The following HS1BP3 variants were observed in gnomAD, a reference collection of about 807,000 sequenced individuals.
The protein encoded by HS1BP3 is HCLS1-binding protein 3.
Under a neutral mutation model 33.5 loss-of-function variants are expected in HS1BP3, and 32 were observed. That is an observed-to-expected ratio of 0.95 (90% CI 0.72 to 1.28). The LOEUF (loss-of-function observed/expected upper bound fraction) is 1.28, where lower values mean the gene tolerates loss of function less well. HS1BP3 is among the 50% of genes most tolerant of loss of function. The probability of loss-of-function intolerance (pLI) is 0.00; values close to 1 mark genes in which losing one functional copy is unlikely to be tolerated. For missense variants in HS1BP3, 486 were observed against 502.3 expected, an observed-to-expected ratio of 0.97 and a Z score of 0.31; for synonymous variants, 187 against 209.2, an observed-to-expected ratio of 0.89 and a Z score of 0.92.
At chr2:20,625,606 C>G (rs1572344642) in intron 4 of HS1BP3, among the ~76,000 whole-genome samples, 1 of 152,200 alleles carries the variant, frequency 6.6e-6, no homozygotes, top group Admixed American at 6.5e-5. Context: ...GTGGAGCAGC[C>G]CCCCTCTTTC....
Position 20,638,669 on chromosome 2 carries a change from A to G in HS1BP3, c.407-17T>C. ...ATCTGGTACCTGTGGAGGAAGACAG[A>G]AAAGAATGGACTTGGTAACCACCCC... On this transcript the variant is annotated splice_polypyrimidine_tract_variant and intron_variant, in intron 3 of 6. Transcript: ENST00000304031. 1 of 1,602,660 alleles carries G rather than the reference A, an allele frequency of 6.2e-7. No individual in the cohort carries two copies.
chr2:20,592,058 G>T (rs1484107152), downstream of HS1BP3, among the ~76,000 whole-genome samples: 1 of 152,168 alleles, frequency 6.6e-6, no homozygotes, highest in African/African-American at 2.4e-5. Flanking sequence ...TTCCTATCCT[G>T]TGCTTCTAGG....
At chr2:20,587,214 GAC>G (rs1693702407) in intron 5 of HS1BP3, among the ~76,000 whole-genome samples, 1 of 152,290 alleles carries the variant, frequency 6.6e-6, no homozygotes, top group South Asian at 2.1e-4. Flanking sequence ...ACGATCATAG[GAC>G]ACAGTCATTT....
intron 5 of HS1BP3, among the ~76,000 whole-genome samples, chr2:20,568,400 C>A (rs953937605): frequency 3.3e-5 from 5 of 152,116 alleles, no homozygotes; most frequent in Non-Finnish European, 7.4e-5. Flanking sequence ...TTCCTAGGAG[C>A]TGGAGCCGGG....
chr2:20,627,369 G>C (rs943021719), intron 4 of HS1BP3, among the ~76,000 whole-genome samples: 6 of 152,264 alleles, frequency 3.9e-5, no homozygotes, highest in Non-Finnish European at 8.8e-5. Context: ...CGGGGCAGGG[G>C]AGCAAGAGGC....
intron 5 of HS1BP3, among the ~76,000 whole-genome samples, chr2:20,567,828 C>A (rs763395843): frequency 6.6e-6 from 1 of 152,238 alleles, no homozygotes; most frequent in Non-Finnish European, 1.5e-5. Flanking sequence ...CCAGTGGAAC[C>A]TGACCCCAAG....
intron 2 of HS1BP3, among the ~76,000 whole-genome samples, chr2:20,602,264 C>A (rs996495799): frequency 6.6e-6 from 1 of 151,904 alleles, no homozygotes; most frequent in Non-Finnish European, 1.5e-5. Context: ...AACGTCTCTT[C>A]TAAACTACAG....
At chr2:20,645,019 AAC>A (rs974511471) in intron 2 of HS1BP3, among the ~76,000 whole-genome samples, 35 of 152,134 alleles carry the variant, frequency 2.3e-4, no homozygotes, top group African/African-American at 8.4e-4. Context: ...TGTTCCTCAA[AAC>A]ACAGCTCAGC....
At chr2:20,583,616 C>T (rs111391728) in intron 5 of HS1BP3, among the ~76,000 whole-genome samples, 1 of 152,358 alleles carries the variant, frequency 6.6e-6, no homozygotes, top group African/African-American at 2.4e-5. Context: ...TGTCTTATCA[C>T]TGTGGCAAAG....
chr2:20,554,370 C>T, the HS1BP3 span, among the ~76,000 whole-genome samples: 3 of 152,316 alleles, frequency 2.0e-5, no homozygotes, highest in South Asian at 6.2e-4. Flanking sequence ...CATATGAACA[C>T]TCCTCAGTGA....
chr2:20,571,655 C>A (rs1312558810), intron 5 of HS1BP3, among the ~76,000 whole-genome samples: 1 of 152,200 alleles, frequency 6.6e-6, no homozygotes, highest in East Asian at 1.9e-4. Context: ...CCTCCAGCCT[C>A]CTGGACCTGC....
intron 4 of HS1BP3, chr2:20,636,277 A>G (rs573197806): frequency 1.3e-5 from 2 of 152,464 alleles, no homozygotes; most frequent in East Asian, 1.9e-4. Context: ...ACTTCAAGGT[A>G]CGGCTCTGCC....
chr2:20,644,835 C>G lies in HS1BP3; in HGVS notation c.198+505G>C, dbSNP rs539655024. Among the ~76,000 whole-genome samples the G allele has an allele frequency of 1.1e-4, 17 of 152,342 alleles. No individual in the cohort carries two copies. In the South Asian group the frequency reaches 3.3e-3, roughly 30 times the overall value. On this transcript the variant is annotated intron_variant, in intron 2 of 6. Coordinates refer to ENST00000304031, the MANE Select transcript of HS1BP3 (RefSeq NM_022460.4). ...GGTTAAGTCCAGGCTCCCGCAGACTCTCCACAATCTGGATCCTGCCTGTCA... is the reference window on the plus strand; with the variant it reads ...GGTTAAGTCCAGGCTCCCGCAGACTGTCCACAATCTGGATCCTGCCTGTCA...
At chr2:20,587,676 GCA>G (rs1693713744), downstream of HS1BP3, among the ~76,000 whole-genome samples, 2 of 152,288 alleles carry the variant, frequency 1.3e-5, no homozygotes, top group Non-Finnish European at 2.9e-5. Context: ...AACCTGGGAG[GCA>G]GAGCTTGCAG....
intron 6 of HS1BP3, chr2:20,622,067 A>AC (rs201721451): frequency 4.9e-6 from 3 of 615,932 alleles, no homozygotes; most frequent in Non-Finnish European, 6.9e-6. Flanking sequence ...GTGTGGCTGC[A>AC]CAGCCAGAAG....
downstream of HS1BP3, among the ~76,000 whole-genome samples, chr2:20,615,460 CAG>C (rs373320184): frequency 2.9e-3 from 440 of 152,356 alleles, 4 homozygotes; most frequent in African/African-American, 0.01. Context: ...TTGGAGCGAT[CAG>C]AGTTTGTAGT....
chr2:20,600,781 TTGTG>T (rs753960978), intron 2 of HS1BP3, among the ~76,000 whole-genome samples: 9 of 152,286 alleles, frequency 5.9e-5, no homozygotes, highest in African/African-American at 2.2e-4. Flanking sequence ...AAAAATGAGA[TTGTG>T]TGTAATTCTT....
chr2:20,624,637 TG>T (rs1333126092), intron 5 of HS1BP3, 94 bp downstream of exon 5: 1 of 1,145,836 alleles, frequency 8.7e-7, no homozygotes, highest in Non-Finnish European at 1.2e-6. Flanking sequence ...GGGAGATATA[TG>T]GGTCCTATTC....
At chr2:20,556,107 C>T (rs1302959881), downstream of HS1BP3, among the ~76,000 whole-genome samples, 1 of 152,170 alleles carries the variant, frequency 6.6e-6, no homozygotes, top group Non-Finnish European at 1.5e-5. Context: ...TTGACTGTTT[C>T]TATTTCTATT....
Sources: allele counts gnomAD v4.1 joint callset (sites outside exome capture counted in the v4.1 genomes callset), GRCh38; gene constraint gnomAD v4.1.1; transcripts MANE v1.5; gene names NCBI Gene and HGNC (gene_info 2026-07-23, HGNC 2026-07-21).